GLB1: variants seen among roughly 807,000 people sequenced by gnomAD.
GLB1 encodes beta-galactosidase.
Under a neutral mutation model 74.0 loss-of-function variants are expected in GLB1, and 56 were observed. The observed-to-expected ratio is 0.76, with a 90% CI of 0.61 to 0.94. The LOEUF (loss-of-function observed/expected upper bound fraction) is 0.94, where lower values mean the gene tolerates loss of function less well. Ranked by LOEUF, GLB1 falls within the 40% of genes least tolerant of loss-of-function variation. The pLI, the probability that GLB1 is intolerant of heterozygous loss-of-function variation, is 0.00. For missense variants in GLB1, 787 were observed against 845.5 expected, an observed-to-expected ratio of 0.93 and a Z score of 0.86; for synonymous variants, 323 against 323.6, an observed-to-expected ratio of 1.00 and a Z score of 0.02.
chr3:32,969,593 T>G, the GLB1 span, among the ~76,000 whole-genome samples: 1 of 152,116 alleles, frequency 6.6e-6, no homozygotes, highest in Non-Finnish European at 1.5e-5. Context: ...TCCTGGAGAT[T>G]CCCCTCCCGG....
At chr3:32,966,754 A>G in the GLB1 span, among the ~76,000 whole-genome samples, 5 of 152,108 alleles carry the variant, frequency 3.3e-5, no homozygotes, top group African/African-American at 1.2e-4. Flanking sequence ...GTGGGAGGTA[A>G]TTTAATCATG....
intron 3 of GLB1, 125 bp downstream of exon 3, chr3:33,068,695 T>G: frequency 9.0e-6 from 14 of 1,558,776 alleles, no homozygotes; most frequent in Non-Finnish European, 1.2e-5. Context: ...AAAAGACACC[T>G]GTGCTGGGTA....
intron 9 of GLB1, among the ~76,000 whole-genome samples, chr3:33,046,754 C>T (rs1698758569): frequency 6.6e-6 from 1 of 152,158 alleles, no homozygotes; most frequent in Non-Finnish European, 1.5e-5. Context: ...ACAGCAGACC[C>T]ACATCAGCCA....
At chr3:33,057,350 T>A (rs1699262897) in intron 6 of GLB1, among the ~76,000 whole-genome samples, 1 of 152,206 alleles carries the variant, frequency 6.6e-6, no homozygotes, top group Admixed American at 6.5e-5. Flanking sequence ...TTACCCAGTC[T>A]CTGGTATTTA....
intron 11 of GLB1, among the ~76,000 whole-genome samples, chr3:33,023,789 A>G (rs1465881435): frequency 6.6e-6 from 1 of 152,186 alleles, no homozygotes; most frequent in Non-Finnish European, 1.5e-5. Flanking sequence ...TAAACCACAG[A>G]CCATAAAAAT....
downstream of GLB1, among the ~76,000 whole-genome samples, chr3:32,993,319 A>G (rs1225645678): frequency 6.6e-6 from 1 of 152,072 alleles, no homozygotes; most frequent in African/African-American, 2.4e-5. Context: ...AAGGGAAGAG[A>G]GAGGACAGGA....
chr3:33,038,991 G>T (rs865840749), intron 10 of GLB1, among the ~76,000 whole-genome samples: 6 of 151,626 alleles, frequency 4.0e-5, no homozygotes, highest in Non-Finnish European at 7.4e-5. Flanking sequence ...GATCAAAAAC[G>T]AATAGAAAAA....
At chr3:33,079,475 A>T (rs1044158485) in intron 1 of GLB1, among the ~76,000 whole-genome samples, 2 of 152,244 alleles carry the variant, frequency 1.3e-5, no homozygotes, top group African/African-American at 4.8e-5. Context: ...TTCAAAAAAT[A>T]AGATGAATTG....
chr3:33,080,178 A>C (rs1025268765), intron 1 of GLB1, among the ~76,000 whole-genome samples: 9 of 151,752 alleles, frequency 5.9e-5, no homozygotes, highest in African/African-American at 2.2e-4. Context: ...GTCTCAGCTC[A>C]CTGCAACCTC....
intron 5 of GLB1, 81 bp from the exon 6 acceptor site, chr3:33,058,350 T>A: frequency 6.3e-7 from 1 of 1,577,720 alleles, no homozygotes; most frequent in Non-Finnish European, 8.6e-7. Flanking sequence ...TGGGAAAATA[T>A]CTGAGCATCT....
At chr3:33,078,422 A>G (rs1166505844) in intron 1 of GLB1, among the ~76,000 whole-genome samples, 1 of 152,220 alleles carries the variant, frequency 6.6e-6, no homozygotes, top group African/African-American at 2.4e-5. Context: ...TTTCAGCCTC[A>G]AAAAAAGTCG....
chr3:32,993,555 A>T (rs1314027550), downstream of GLB1, among the ~76,000 whole-genome samples: 1 of 79,528 alleles, frequency 1.3e-5, no homozygotes, highest in Non-Finnish European at 2.3e-5. Flanking sequence ...TTTTTTTGAG[A>T]CGGTGTCTCA....
intron 1 of GLB1, among the ~76,000 whole-genome samples, chr3:33,077,783 C>T (rs544386955): frequency 1.3e-5 from 2 of 149,100 alleles, no homozygotes; most frequent in East Asian, 3.9e-4. Flanking sequence ...ACTCCCTTTT[C>T]TTCATTAGTG....
intron 6 of GLB1, among the ~76,000 whole-genome samples, chr3:33,056,869 C>T (rs1699244527): frequency 6.6e-6 from 1 of 152,184 alleles, no homozygotes; most frequent in African/African-American, 2.4e-5. Flanking sequence ...TGATACAGTA[C>T]TCTTATCTAA....
At chr3:33,053,069 T>C (rs531523546) in intron 7 of GLB1, among the ~76,000 whole-genome samples, 1 of 152,294 alleles carries the variant, frequency 6.6e-6, no homozygotes, top group Admixed American at 6.5e-5. Context: ...GAGAGAAGGA[T>C]TGATAGATTG....
chr3:33,089,074 A>G (rs996740091), intron 1 of GLB1, among the ~76,000 whole-genome samples: 7 of 152,236 alleles, frequency 4.6e-5, no homozygotes, highest in Non-Finnish European at 2.9e-5. Flanking sequence ...AAAACTGGAT[A>G]TTCACAGGCA....
rs781534268 is a variant in GLB1, at chr3:33,093,633, G to A, written c.75+3378C>T. On this transcript the variant is annotated intron_variant, in intron 1 of 15. Coordinates refer to ENST00000307363, the MANE Select transcript of GLB1 (RefSeq NM_000404.4). The surrounding 1 kb of genome is among the most constrained non-coding windows in gnomAD (Gnocchi z 6.0). ...GGGCACCTCCACAGTTTTCACAGCCGGGGGCTGCGCGGCATTCAGAATCCC... is the reference window on the plus strand; with the variant it reads ...GGGCACCTCCACAGTTTTCACAGCCAGGGGCTGCGCGGCATTCAGAATCCC... 1.4e-5 allele frequency: 22 copies of A among 1,613,986 alleles called. No homozygotes were observed. Among genetic ancestry groups the A allele is most frequent in the South Asian group, 2.2e-5 (2 of 91,080 alleles).
intron 11 of GLB1, among the ~76,000 whole-genome samples, chr3:33,023,685 C>A (rs544840433): frequency 6.6e-6 from 1 of 152,120 alleles, no homozygotes; most frequent in Admixed American, 6.5e-5. Context: ...TAAGTAAAAC[C>A]TCTCTTCTTT....
At chr3:33,080,098 T>TTGTTGTTGTTTGTTTG (rs111917407) in intron 1 of GLB1, among the ~76,000 whole-genome samples, 1 of 151,790 alleles carries the variant, frequency 6.6e-6, no homozygotes, top group East Asian at 1.9e-4. Context: ...AACTGTTTTT[T>TTGTTGTTGTTTGTTTG]TTTGTTTGTT....
Sources: gnomAD v4.1 joint callset for allele counts (sites outside exome capture counted in the v4.1 genomes callset) on GRCh38, gnomAD v4.1.1 for gene constraint, Gnocchi (gnomAD v3.1) non-coding constraint, MANE v1.5 for transcripts, NCBI Gene and HGNC (gene_info 2026-07-23, HGNC 2026-07-21) for gene names.